RAC1: variants seen among roughly 807,000 people sequenced by gnomAD.
RAC1 encodes Rac family small GTPase 1.
A neutral mutation model predicts 25.2 loss-of-function variants in RAC1; 2 were observed. The observed-to-expected ratio is 0.08, with a 90% CI of 0.03 to 0.25. RAC1 has a LOEUF of 0.25. Ranked by LOEUF, RAC1 falls within the 10% of genes least tolerant of loss-of-function variation. The probability of loss-of-function intolerance (pLI) is 1.00; values close to 1 mark genes in which losing one functional copy is unlikely to be tolerated. For missense variants in RAC1, 50 were observed against 235.7 expected (o/e 0.21, Z 5.16); for synonymous variants, 88 against 94.0 (o/e 0.94, Z 0.37).
chr7:6,399,520 C>T (rs1446682627), intron 3 of RAC1, among the ~76,000 whole-genome samples: 1 of 152,256 alleles, frequency 6.6e-6, no homozygotes, highest in African/African-American at 2.4e-5. Flanking sequence ...TGCGCCTCTG[C>T]GTCAGCCACA....
intron 1 of RAC1, chr7:6,375,960 C>G (rs533762532): frequency 6.6e-6 from 1 of 152,174 alleles, no homozygotes; most frequent in African/African-American, 2.4e-5. Flanking sequence ...TAATCAAACT[C>G]AATGCAACTG....
At chr7:6,387,007 C>T (rs931560927) in intron 1 of RAC1, among the ~76,000 whole-genome samples, 7 of 152,032 alleles carry the variant, frequency 4.6e-5, no homozygotes, top group African/African-American at 1.7e-4. Context: ...CTCTATCTTT[C>T]TGAGAAATTC....
At chr7:6,391,773 G>C (rs836480) in intron 2 of RAC1, 151 bp from the exon 3 acceptor site, 1 of 1,265,580 alleles carries the variant, frequency 7.9e-7, no homozygotes, top group African/African-American at 1.5e-5. Context: ...TGCCCGTGCC[G>C]CCTTCCTCCT....
At chr7:6,396,281 A>G (rs1783232112) in intron 3 of RAC1, among the ~76,000 whole-genome samples, 1 of 152,152 alleles carries the variant, frequency 6.6e-6, no homozygotes. Flanking sequence ...AGGACGGGGA[A>G]GAAATAGAGC....
chr7:6,377,872 T>A (rs1460170556), intron 1 of RAC1, among the ~76,000 whole-genome samples: 1 of 152,208 alleles, frequency 6.6e-6, no homozygotes, highest in African/African-American at 2.4e-5. Flanking sequence ...ACCATTGCAC[T>A]CCAGCTTGGG....
intron 3 of RAC1, among the ~76,000 whole-genome samples, chr7:6,395,778 C>T (rs952919153): frequency 3.3e-5 from 5 of 152,160 alleles, no homozygotes; most frequent in Non-Finnish European, 5.9e-5. Flanking sequence ...GGATTACAGG[C>T]GTGAGCCACT....
In RAC1 at chr7:6,402,532, A is replaced by AAAC. The variant is rs1783443765; in HGVS notation, c.*88_*89insCAA. On this transcript the variant is annotated 3_prime_UTR_variant, in exon 6 of 6. Transcript: ENST00000348035. Reference sequence around the variant, plus strand: ...AAAAACAAAAAAAAAAAACAAAAAAAAAAAACAACGGTGGAGCCTTCGCAC... The same window carrying AAAC: ...AAAAACAAAAAAAAAAAACAAAAAAAAACAAAAACAACGGTGGAGCCTTCGCAC... 1 of 1,180,110 alleles carries AAAC rather than the reference A, an allele frequency of 8.5e-7. No individual in the cohort carries two copies. Among genetic ancestry groups the AAAC allele is most frequent in the African/African-American group, 1.7e-5 (1 of 59,056 alleles). 73.1% of individuals were successfully genotyped at this position (1,180,110 alleles called of 1,614,324 possible).
chr7:6,385,666 A>G (rs1395949383), intron 1 of RAC1, among the ~76,000 whole-genome samples: 4 of 152,316 alleles, frequency 2.6e-5, no homozygotes, highest in Middle Eastern at 6.8e-3. Context: ...TAAGCCCTCA[A>G]TAATGTCATG....
chr7:6,382,597 C>T (rs1402760231), intron 1 of RAC1, among the ~76,000 whole-genome samples: 1 of 152,236 alleles, frequency 6.6e-6, no homozygotes, highest in Non-Finnish European at 1.5e-5. Context: ...GGCGTGGTGG[C>T]TCACGCCTGT....
chr7:6,396,002 G>A (rs1488419153), intron 3 of RAC1, among the ~76,000 whole-genome samples: 1 of 152,254 alleles, frequency 6.6e-6, no homozygotes, highest in Non-Finnish European at 1.5e-5. Flanking sequence ...GCTGTGGGAA[G>A]AGCAGCCCTG....
At chr7:6,378,539 T>C (rs567875732) in intron 1 of RAC1, among the ~76,000 whole-genome samples, 1 of 151,806 alleles carries the variant, frequency 6.6e-6, no homozygotes, top group Non-Finnish European at 1.5e-5. Context: ...AGAGCAAGGC[T>C]CTGTCTTGAA....
intron 1 of RAC1, among the ~76,000 whole-genome samples, chr7:6,376,418 A>G (rs1782595953): frequency 6.6e-6 from 1 of 150,854 alleles, no homozygotes; most frequent in Admixed American, 6.6e-5. Context: ...TCCTGACCTC[A>G]GGTGATCCAC....
At chr7:6,396,574 C>G (rs1290977670) in intron 3 of RAC1, among the ~76,000 whole-genome samples, 1 of 152,160 alleles carries the variant, frequency 6.6e-6, no homozygotes, top group Non-Finnish European at 1.5e-5. Flanking sequence ...CGATCAGAGG[C>G]TCTTTGGAAG....
chr7:6,374,913 CCGCG>C, intron 1 of RAC1, 143 bp downstream of exon 1: 1 of 664,232 alleles, frequency 1.5e-6, no homozygotes, highest in Non-Finnish European at 1.9e-6. Context: ...GGGGCGGGGG[CCGCG>C]GGCGGGCGCC....
At chr7:6,395,246 G>A (rs1450676443) in intron 3 of RAC1, among the ~76,000 whole-genome samples, 4 of 152,196 alleles carry the variant, frequency 2.6e-5, no homozygotes, top group Admixed American at 1.3e-4. Flanking sequence ...GATTACAGGC[G>A]TGAGCCACTA....
intron 4 of RAC1, 159 bp from the exon 5 acceptor site, chr7:6,401,708 CT>C: frequency 3.1e-6 from 2 of 647,762 alleles, no homozygotes; most frequent in Non-Finnish European, 5.3e-6. Flanking sequence ...TTCCTTATGG[CT>C]CAAGGCTTGA....
intron 1 of RAC1, among the ~76,000 whole-genome samples, chr7:6,380,378 A>G (rs1782731111): frequency 6.6e-6 from 1 of 151,240 alleles, no homozygotes; most frequent in South Asian, 2.1e-4. Flanking sequence ...ATTATACATA[A>G]TGTGTGTGTG....
At chr7:6,398,602 AT>A in intron 3 of RAC1, 1 of 1,429,484 alleles carries the variant, frequency 7.0e-7, no homozygotes. Flanking sequence ...AAGAGGTTAT[AT>A]TGATTTTTGT....
At chr7:6,385,051 C>G (rs1241759836) in intron 1 of RAC1, among the ~76,000 whole-genome samples, 3 of 152,148 alleles carry the variant, frequency 2.0e-5, no homozygotes. Context: ...AGCGATCCAC[C>G]CACCTCAGCC....
Sources: allele counts gnomAD v4.1 joint callset (sites outside exome capture counted in the v4.1 genomes callset), GRCh38; gene constraint gnomAD v4.1.1; transcripts MANE v1.5; gene names NCBI Gene and HGNC (gene_info 2026-07-23, HGNC 2026-07-21).